Variants in SLC9A9 observed in about 807,000 individuals in gnomAD.
The protein encoded by SLC9A9 is solute carrier family 9 member A9.
SLC9A9 carries 62 observed loss-of-function variants against 77.8 expected under a neutral mutation model. That is an observed-to-expected ratio of 0.80 (90% CI 0.65 to 0.98). The LOEUF is 0.98. Among genes scored for constraint, SLC9A9 ranks in the 50% least tolerant of loss-of-function variants. The pLI is 0.00. For synonymous variants in SLC9A9, 320 were observed against 283.5 expected (o/e 1.13, Z -1.29); for missense variants, 775 against 774.9 (o/e 1.00, Z 0.00).
intron 14 of SLC9A9, among the ~76,000 whole-genome samples, chr3:143,343,030 C>G (rs764450141): frequency 6.6e-6 from 1 of 152,192 alleles, no homozygotes; most frequent in Non-Finnish European, 1.5e-5. Context: ...TAGCACCACA[C>G]TTTTACTGTT....
In SLC9A9 at chr3:143,734,542, T is replaced by C. The variant is rs568307401; in HGVS notation, c.534-41235A>G. ...CGAGGTCAGGAGATCGAGACCATCC[T>C]GGCCAACATAGTAAAACCCTGTCTC... is the stretch of plus-strand genomic sequence containing the variant. On this transcript the variant is annotated intron_variant, in intron 4 of 15. Transcript: ENST00000316549. Among the ~76,000 whole-genome samples, 3 of 152,068 alleles carry C rather than the reference T, an allele frequency of 2.0e-5. No individual in the cohort carries two copies. The East Asian group carries it at 5.8e-4, about 30-fold the overall frequency.
chr3:143,523,231 T>G (rs2036342919), intron 9 of SLC9A9, among the ~76,000 whole-genome samples: 1 of 152,146 alleles, frequency 6.6e-6, no homozygotes, highest in East Asian at 1.9e-4. Context: ...TTATTGTTAT[T>G]ATTTTTACAA....
intron 14 of SLC9A9, among the ~76,000 whole-genome samples, chr3:143,305,804 A>T (rs772659930): frequency 1.3e-4 from 20 of 152,330 alleles, no homozygotes; most frequent in Non-Finnish European, 2.6e-4. Context: ...CTTTGGCCAG[A>T]AGTGGGCTGG....
chr3:143,631,133 C>T (rs1487427980), intron 6 of SLC9A9, among the ~76,000 whole-genome samples: 4 of 152,144 alleles, frequency 2.6e-5, no homozygotes, highest in Non-Finnish European at 5.9e-5. Flanking sequence ...TACCCAATTA[C>T]TTAATTTTGC....
rs115862341 is a variant in SLC9A9, at chr3:143,711,707, G to A, written c.534-18400C>T. On this transcript the variant is annotated intron_variant, in intron 4 of 15. Transcript: ENST00000316549. ...CCCAAAGTGCTGGGATTATAGGCAT[G>A]AGCCACAGCTCCAGGCCAAAACGTT... Among the ~76,000 whole-genome samples, 1,048 of 151,708 alleles carry A rather than the reference G, an allele frequency of 6.9e-3. 12 individuals are homozygous for A. Among genetic ancestry groups the A allele is most frequent in the African/African-American group, 0.023 (969 of 41,318 alleles).
At chr3:143,336,175 G>C (rs1447449285) in intron 14 of SLC9A9, among the ~76,000 whole-genome samples, 1 of 152,046 alleles carries the variant, frequency 6.6e-6, no homozygotes, top group Non-Finnish European at 1.5e-5. Context: ...TAATCATCAG[G>C]AGACTACATA....
chr3:143,518,973 C>G (rs1359101817), intron 9 of SLC9A9, among the ~76,000 whole-genome samples: 1 of 152,210 alleles, frequency 6.6e-6, no homozygotes, highest in African/African-American at 2.4e-5. Context: ...GTTCCAGCTG[C>G]TCCACATCCT....
intron 12 of SLC9A9, among the ~76,000 whole-genome samples, chr3:143,433,383 CTCTTCAGTGGAAA>C (rs1174192841): frequency 6.6e-6 from 1 of 152,166 alleles, no homozygotes; most frequent in Non-Finnish European, 1.5e-5. Context: ...CTCTGCTTAT[CTCTTCAGTGGAAA>C]AGTACTTTGT....
chr3:143,640,019 C>CTTTTTT (rs10575577), intron 6 of SLC9A9, among the ~76,000 whole-genome samples: 11 of 124,138 alleles, frequency 8.9e-5, no homozygotes, highest in Non-Finnish European at 1.2e-4. Flanking sequence ...CTTTTTTTTT[C>CTTTTTT]TTTTTTTTTT....
chr3:143,619,909 A>C (rs1559996832), intron 6 of SLC9A9, among the ~76,000 whole-genome samples: 1 of 152,220 alleles, frequency 6.6e-6, no homozygotes, highest in Non-Finnish European at 1.5e-5. Context: ...TATTTTGTTG[A>C]AGGTCAAATA....
intron 11 of SLC9A9, among the ~76,000 whole-genome samples, chr3:143,478,035 C>A (rs1473414283): frequency 6.6e-6 from 1 of 152,148 alleles, no homozygotes; most frequent in Non-Finnish European, 1.5e-5. Context: ...GCACTTGGGG[C>A]CTTCATTTGG....
At chr3:143,543,758 A>G (rs62269775) in intron 9 of SLC9A9, among the ~76,000 whole-genome samples, 29,603 of 150,764 alleles carry the variant, frequency 0.2, 3,233 homozygotes, top group Non-Finnish European at 0.22. Context: ...TCTGTGGTGT[A>G]TATGTACCAC....
At chr3:143,407,360 C>T (rs1356498812) in intron 12 of SLC9A9, among the ~76,000 whole-genome samples, 1 of 152,086 alleles carries the variant, frequency 6.6e-6, no homozygotes, top group Non-Finnish European at 1.5e-5. Flanking sequence ...AAATCTTAGG[C>T]TATGATACTG....
intron 4 of SLC9A9, among the ~76,000 whole-genome samples, chr3:143,738,440 T>C (rs897786602): frequency 6.6e-6 from 1 of 152,194 alleles, no homozygotes; most frequent in African/African-American, 2.4e-5. Context: ...TTACATCCTT[T>C]TCTGTTTGTG....
chr3:143,361,402 G>A (rs955773354), intron 14 of SLC9A9, among the ~76,000 whole-genome samples: 1 of 152,082 alleles, frequency 6.6e-6, no homozygotes, highest in Non-Finnish European at 1.5e-5. Context: ...GGTGGTGGCT[G>A]GCATAGCCTA....
At chr3:143,503,347 G>A (rs920119342) in intron 9 of SLC9A9, 6 of 307,962 alleles carry the variant, frequency 1.9e-5, no homozygotes, top group East Asian at 9.7e-5. Flanking sequence ...ATCAGGAAAT[G>A]AGCTTAACAA....
At chr3:143,412,606 C>A (rs1193798951) in intron 12 of SLC9A9, among the ~76,000 whole-genome samples, 2 of 152,174 alleles carry the variant, frequency 1.3e-5, no homozygotes, top group African/African-American at 4.8e-5. Flanking sequence ...CTTTCCCTGT[C>A]TCTGACTTTT....
At chr3:143,828,370 C>A (rs2009351241) in intron 2 of SLC9A9, among the ~76,000 whole-genome samples, 1 of 152,060 alleles carries the variant, frequency 6.6e-6, no homozygotes, top group Non-Finnish European at 1.5e-5. Flanking sequence ...AGGCATGGGG[C>A]ACCAGGATAG....
intron 5 of SLC9A9, among the ~76,000 whole-genome samples, chr3:143,682,032 T>C (rs1933115236): frequency 6.6e-6 from 1 of 152,178 alleles, no homozygotes; most frequent in South Asian, 2.1e-4. Flanking sequence ...TAAAGACTTG[T>C]TTGAAACTGG....
Sources: gnomAD v4.1 joint callset for allele counts (sites outside exome capture counted in the v4.1 genomes callset) on GRCh38, gnomAD v4.1.1 for gene constraint, MANE v1.5 for transcripts, NCBI Gene and HGNC (gene_info 2026-07-23, HGNC 2026-07-21) for gene names.